The following C3orf20 variants were observed in gnomAD, a reference collection of about 807,000 sequenced individuals.
The protein encoded by C3orf20 is uncharacterized protein C3orf20.
Under a neutral mutation model 88.3 loss-of-function variants are expected in C3orf20, and 76 were observed. The observed-to-expected ratio is 0.86, with a 90% CI of 0.72 to 1.04. The LOEUF (loss-of-function observed/expected upper bound fraction) is 1.04, where lower values mean the gene tolerates loss of function less well. Ranked by LOEUF, C3orf20 falls within the 50% of genes least tolerant of loss-of-function variation. C3orf20 has a pLI of 0.00. For missense variants in C3orf20, 1,056 were observed against 1,123.3 expected (o/e 0.94, Z 0.86); for synonymous variants, 436 against 437.4 (o/e 1.00, Z 0.04).
chr3:14,716,097 T>C (rs1202736189), intron 9 of C3orf20, among the ~76,000 whole-genome samples: 1 of 152,230 alleles, frequency 6.6e-6, no homozygotes, highest in African/African-American at 2.4e-5. Flanking sequence ...CATTGTAAGA[T>C]GTTTAGCATC....
intron 5 of C3orf20, among the ~76,000 whole-genome samples, chr3:14,696,668 A>C (rs2033017299): frequency 6.6e-6 from 1 of 151,802 alleles, no homozygotes; most frequent in African/African-American, 2.4e-5. Flanking sequence ...GTGAGCCACC[A>C]TGCTGACCTG....
intron 9 of C3orf20, among the ~76,000 whole-genome samples, chr3:14,716,400 G>A (rs774876359): frequency 7.2e-5 from 11 of 152,198 alleles, no homozygotes; most frequent in Admixed American, 4.6e-4. Flanking sequence ...GCCCCACAGT[G>A]AGGGTTGTGG....
intron 10 of C3orf20, among the ~76,000 whole-genome samples, chr3:14,722,865 G>A (rs1017112567): frequency 5.9e-5 from 9 of 152,148 alleles, no homozygotes; most frequent in Non-Finnish European, 4.4e-5. Flanking sequence ...CAGGTGGAGA[G>A]GATTAAGAGG....
At chr3:14,724,612 C>G (rs960577130) in intron 10 of C3orf20, among the ~76,000 whole-genome samples, 1 of 152,174 alleles carries the variant, frequency 6.6e-6, no homozygotes, top group African/African-American at 2.4e-5. Flanking sequence ...CACTGCATTT[C>G]AAAGACTTAG....
intron 10 of C3orf20, among the ~76,000 whole-genome samples, chr3:14,725,773 A>C (rs964501718): frequency 6.6e-6 from 1 of 151,940 alleles, no homozygotes; most frequent in Non-Finnish European, 1.5e-5. Context: ...TCCACAGAAG[A>C]GAGTTTTTTT....
chr3:14,719,158 A>G lies in C3orf20; in HGVS notation c.1435-2495A>G, dbSNP rs546355686. Among the ~76,000 whole-genome samples, 46 of 131,668 alleles carry G rather than the reference A, an allele frequency of 3.5e-4. No homozygotes were observed. The East Asian group carries it at 8.1e-3, about 23-fold the overall frequency. 86.4% of individuals were successfully genotyped at this position (131,668 alleles called of 152,430 possible). A position where few individuals can be genotyped will look rare whatever the true frequency, so the allele number is the denominator to read the frequency against. On this transcript the variant is annotated intron_variant, in intron 9 of 16. Transcript: ENST00000253697. The stretch of plus-strand genomic sequence containing the variant: ...TTTTTTTTTTAATTTTTTCAAGCTT[A>G]TAGTTATCTATGAGGAAGGCAGCCT...
At chr3:14,676,754 T>C (rs1212464922) in intron 1 of C3orf20, among the ~76,000 whole-genome samples, 1 of 152,196 alleles carries the variant, frequency 6.6e-6, no homozygotes, top group African/African-American at 2.4e-5. Context: ...GGCCCTTTGA[T>C]ACCACAGTGA....
Position 14,714,103 on chromosome 3 carries a change from G to T in C3orf20, c.1257G>T (p.Leu419Phe). 1 of 1,614,064 alleles carries T rather than the reference G, an allele frequency of 6.2e-7. No homozygotes were observed. The highest frequency in any genetic ancestry group is 8.5e-7 in the Non-Finnish European group (1 of 1,180,014). Residue 419 changes from leucine (L) to phenylalanine (F), a missense_variant, in exon 8 of 17, where the codon TTG (leucine) becomes TTT (phenylalanine). Leu to Phe is a conservative substitution (Grantham distance 22). Coordinates refer to ENST00000253697, the MANE Select transcript of C3orf20 (RefSeq NM_032137.5). ...CLFNDIPGFS[L>F]LALFNTEGQG... The stretch of plus-strand genomic sequence containing the variant: ...TTAATGACATACCTGGATTCTCCTT[G>T]CTGGCCCTATTCAATACTGAAGGCC...
At chr3:14,757,255 C>G (rs1350231917) in intron 12 of C3orf20, 116 bp from the exon 13 acceptor site, 1 of 857,794 alleles carries the variant, frequency 1.2e-6, no homozygotes, top group East Asian at 2.7e-5. Context: ...GCAGCAGGGC[C>G]CAGACTAAAA....
At chr3:14,760,606 CTTT>C (rs33982218) in intron 14 of C3orf20, among the ~76,000 whole-genome samples, 442 of 97,804 alleles carry the variant, frequency 4.5e-3, no homozygotes, top group South Asian at 0.021. Flanking sequence ...AGTCTGTCTT[CTTT>C]TTTTTTTTTT....
intron 12 of C3orf20, among the ~76,000 whole-genome samples, chr3:14,744,156 A>G: frequency 6.6e-6 from 1 of 152,000 alleles, no homozygotes; most frequent in East Asian, 1.9e-4. Flanking sequence ...AATGCCTTTA[A>G]CAACACCCAG....
At chr3:14,717,663 G>A (rs1345606333) in intron 9 of C3orf20, among the ~76,000 whole-genome samples, 4 of 152,040 alleles carry the variant, frequency 2.6e-5, no homozygotes, top group Admixed American at 6.6e-5. Context: ...TATTTCCAGT[G>A]TTCTTCATTA....
intron 14 of C3orf20, 93 bp from the exon 15 acceptor site, chr3:14,761,380 G>C (rs906616360): frequency 6.8e-7 from 1 of 1,471,970 alleles, no homozygotes; most frequent in Non-Finnish European, 9.5e-7. Context: ...CTGTGGCGCT[G>C]TTCTAGTGAA....
chr3:14,760,419 A>G (rs1312554387), intron 14 of C3orf20, among the ~76,000 whole-genome samples: 1 of 152,092 alleles, frequency 6.6e-6, no homozygotes, highest in Admixed American at 6.6e-5. Flanking sequence ...TGCTCACCCC[A>G]CAGATATGTA....
chr3:14,693,084 T>C (rs1266484151), intron 5 of C3orf20, among the ~76,000 whole-genome samples: 4 of 152,372 alleles, frequency 2.6e-5, no homozygotes, highest in East Asian at 3.9e-4. Context: ...GGTCTACATA[T>C]CTGTTTTTAT....
At chr3:14,695,217 A>C (rs931908013) in intron 5 of C3orf20, among the ~76,000 whole-genome samples, 2 of 152,158 alleles carry the variant, frequency 1.3e-5, no homozygotes, top group Non-Finnish European at 2.9e-5. Flanking sequence ...AAGAATTTTT[A>C]AAATTTCCTT....
intron 6 of C3orf20, 31 bp from the exon 7 acceptor site, chr3:14,704,306 C>T: frequency 6.2e-7 from 1 of 1,609,784 alleles, no homozygotes; most frequent in South Asian, 1.1e-5. Flanking sequence ...AACCAAAAGG[C>T]TAGACAATAT....
At chr3:14,741,081 T>C (rs1375503804) in intron 12 of C3orf20, among the ~76,000 whole-genome samples, 2 of 152,202 alleles carry the variant, frequency 1.3e-5, no homozygotes, top group East Asian at 3.8e-4. Flanking sequence ...CTGGATGATA[T>C]CATGTTCCTC....
chr3:14,722,697 C>T, intron 10 of C3orf20: 1 of 416,914 alleles, frequency 2.4e-6, no homozygotes, highest in Non-Finnish European at 4.8e-6. Context: ...GTCTGTTGTC[C>T]CAGGGCCCAG....
Sources: gnomAD v4.1 joint callset for allele counts (sites outside exome capture counted in the v4.1 genomes callset) on GRCh38, gnomAD v4.1.1 for gene constraint, MANE v1.5 for transcripts, NCBI Gene and HGNC (gene_info 2026-07-23, HGNC 2026-07-21) for gene names.